The following TRPM3 variants were observed in gnomAD, a reference collection of about 807,000 sequenced individuals.
The protein encoded by TRPM3 is long transient receptor potential channel 3.
Under a neutral mutation model 181.2 loss-of-function variants are expected in TRPM3, and 77 were observed. The observed-to-expected ratio is 0.42, with a 90% CI of 0.35 to 0.51. TRPM3 has a LOEUF of 0.51. Among genes scored for constraint, TRPM3 ranks in the 20% least tolerant of loss-of-function variants. The pLI is 0.01. For missense variants in TRPM3, 1,759 were observed against 2,196.7 expected (o/e 0.80, Z 3.98); for synonymous variants, 745 against 796.4 (o/e 0.94, Z 1.09).
chr9:70,574,109 CACT>C (rs1482925948), intron 22 of TRPM3, among the ~76,000 whole-genome samples: 5 of 151,944 alleles, frequency 3.3e-5, no homozygotes, highest in Non-Finnish European at 5.9e-5. Context: ...CACACACACA[CACT>C]ACTAACACCA....
chr9:71,019,444 A>G (rs1285641524), intron 1 of TRPM3, among the ~76,000 whole-genome samples: 2 of 152,112 alleles, frequency 1.3e-5, no homozygotes, highest in Non-Finnish European at 2.9e-5. Context: ...TTATTTCTGT[A>G]TATCATCAAT....
chr9:71,121,943 C>T (rs1483096600), upstream of TRPM3, among the ~76,000 whole-genome samples: 3 of 152,238 alleles, frequency 2.0e-5, no homozygotes, highest in Admixed American at 2.0e-4. Context: ...AGATCTGTGT[C>T]GTGTTCTGAG....
At chr9:71,405,881 T>C (rs1355435818) in intron 1 of TRPM3, among the ~76,000 whole-genome samples, 1 of 152,218 alleles carries the variant, frequency 6.6e-6, no homozygotes, top group African/African-American at 2.4e-5. Context: ...TATTCTTTAT[T>C]GCTTCACATC....
chr9:70,673,583 C>G (rs1000348242), intron 9 of TRPM3, among the ~76,000 whole-genome samples: 6 of 152,098 alleles, frequency 3.9e-5, no homozygotes, highest in African/African-American at 1.4e-4. Context: ...CACATTTTGA[C>G]TTTGTAGATT....
chr9:71,269,679 T>C (rs999848268), intron 1 of TRPM3, among the ~76,000 whole-genome samples: 3 of 152,190 alleles, frequency 2.0e-5, no homozygotes, highest in Non-Finnish European at 4.4e-5. Context: ...GCCCTACATC[T>C]GACAAATAAT....
In TRPM3 at chr9:71,135,579, G is replaced by A. The variant is rs1306517866; in HGVS notation, c.184-271068C>T. ...CAATCTCCAGTAATCCACAAAATAA[G>A]GCATTTTCAGCACTACCTATTTTGA... is the stretch of plus-strand genomic sequence containing the variant. On this transcript the variant is annotated intron_variant, in intron 1 of 24. Coordinates refer to the TRPM3 transcript ENST00000357533. Among the ~76,000 whole-genome samples, 3 of 152,116 alleles carry A rather than the reference G, an allele frequency of 2.0e-5. No individual in the cohort carries two copies. In the East Asian group the frequency reaches 5.8e-4, roughly 29 times the overall value.
intron 1 of TRPM3, among the ~76,000 whole-genome samples, chr9:70,874,932 T>G (rs1157511575): frequency 2.0e-5 from 3 of 151,972 alleles, no homozygotes; most frequent in Non-Finnish European, 4.4e-5. Flanking sequence ...ATTTTTATTT[T>G]TATTTTCTTT....
rs191830068 is a variant in TRPM3, at chr9:71,112,880, G to A, written c.177+8298C>T. 2.0e-5 allele frequency among the ~76,000 whole-genome samples: 3 copies of A among 152,278 alleles called. No individual in the cohort carries two copies. The East Asian group carries it at 5.8e-4, about 29-fold the overall frequency. On this transcript the variant is annotated intron_variant, in intron 1 of 25. Transcript: ENST00000677713. Reference sequence around the variant, plus strand: ...TTACCTGCGTTGAGCATTAAAATATGGGCAGGGTTAGCTAGGAGAAGGTCT... The same window carrying A: ...TTACCTGCGTTGAGCATTAAAATATAGGCAGGGTTAGCTAGGAGAAGGTCT...
At position 70,534,066 on chromosome 9, in the gene TRPM3, G is replaced by A. The variant is rs1231149041; in HGVS notation, c.*1887C>T. The A allele has an allele frequency of 6.6e-6, 1 of 152,150 alleles. No individual in the cohort carries two copies. Among genetic ancestry groups the A allele is most frequent in the Non-Finnish European group, 1.5e-5 (1 of 68,032 alleles). The allele number at this position is 152,150 out of a possible 1,614,324, so 9.4% of individuals were successfully genotyped here. On this transcript the variant is annotated 3_prime_UTR_variant, in exon 26 of 26. Coordinates refer to ENST00000677713, the MANE Select transcript of TRPM3 (RefSeq NM_001366145.2). ...GCTTTATTCTTTTTTAAACGTTAATGAGCCAAATAGGAATCCAAAGATTTG... is the reference window on the plus strand; with the variant it reads ...GCTTTATTCTTTTTTAAACGTTAATAAGCCAAATAGGAATCCAAAGATTTG...
intron 1 of TRPM3, among the ~76,000 whole-genome samples, chr9:71,032,032 AAAT>A (rs1463596425): frequency 0.5 from 4,063 of 8,096 alleles, 504 homozygotes; most frequent in Non-Finnish European, 0.54. Flanking sequence ...TATATAATAT[AAAT>A]ATATATATAT....
intron 1 of TRPM3, among the ~76,000 whole-genome samples, chr9:70,978,993 C>T (rs1367307313): frequency 2.0e-5 from 3 of 152,056 alleles, no homozygotes; most frequent in Admixed American, 6.5e-5. Context: ...GTGTTACTGC[C>T]CTGGAAGACA....
At chr9:70,630,787 C>A (rs550421528) in intron 12 of TRPM3, among the ~76,000 whole-genome samples, 1 of 152,144 alleles carries the variant, frequency 6.6e-6, no homozygotes, top group Non-Finnish European at 1.5e-5. Flanking sequence ...TGAGTAGGTA[C>A]GATTTGACAA....
At chr9:70,895,530 A>T (rs2096269116) in intron 1 of TRPM3, among the ~76,000 whole-genome samples, 1 of 152,228 alleles carries the variant, frequency 6.6e-6, no homozygotes, top group South Asian at 2.1e-4. Context: ...GATAACTCCC[A>T]TATTTTATGA....
intron 1 of TRPM3, among the ~76,000 whole-genome samples, chr9:71,382,716 T>C (rs548415745): frequency 1.3e-5 from 2 of 151,462 alleles, no homozygotes; most frequent in African/African-American, 4.8e-5. Context: ...TTATCATATA[T>C]AGTTTTTAAT....
At chr9:70,844,683 G>C (rs1461874126) in intron 4 of TRPM3, among the ~76,000 whole-genome samples, 1 of 152,190 alleles carries the variant, frequency 6.6e-6, no homozygotes, top group Non-Finnish European at 1.5e-5. Context: ...GTATTGGATT[G>C]AACACTAAGC....
intron 1 of TRPM3, among the ~76,000 whole-genome samples, chr9:71,193,339 C>A (rs10868971): frequency 0.43 from 65,040 of 151,506 alleles, 14,357 homozygotes; most frequent in East Asian, 0.52. Flanking sequence ...TGGGACTCCA[C>A]TCAGTATTTG....
At chr9:70,819,574 T>C (rs1290689832) in intron 6 of TRPM3, among the ~76,000 whole-genome samples, 1 of 152,172 alleles carries the variant, frequency 6.6e-6, no homozygotes, top group Non-Finnish European at 1.5e-5. Context: ...CTTCAAATTC[T>C]TCTCCAAGCA....
intron 9 of TRPM3, among the ~76,000 whole-genome samples, chr9:70,674,408 A>G (rs1328094909): frequency 6.6e-6 from 1 of 152,218 alleles, no homozygotes; most frequent in Non-Finnish European, 1.5e-5. Flanking sequence ...CAAGTTAACT[A>G]GGATTTAAGT....
intron 9 of TRPM3, among the ~76,000 whole-genome samples, chr9:70,668,527 T>C (rs892006772): frequency 5.3e-5 from 8 of 150,878 alleles, no homozygotes; most frequent in African/African-American, 1.9e-4. Context: ...TAGCTGGGCG[T>C]GGTGGCGGGC....
Sources: gnomAD v4.1 joint callset for allele counts (sites outside exome capture counted in the v4.1 genomes callset) on GRCh38, gnomAD v4.1.1 for gene constraint, MANE v1.5 for transcripts, NCBI Gene and HGNC (gene_info 2026-07-23, HGNC 2026-07-21) for gene names.